Variants in KHDRBS2 observed in about 807,000 individuals in gnomAD.
KHDRBS2 encodes KH RNA binding domain containing, signal transduction associated 2, also known as KH domain-containing, RNA-binding, signal transduction-associated protein 2.
A neutral mutation model predicts 44.3 loss-of-function variants in KHDRBS2; 26 were observed. The ratio of observed to expected loss-of-function variants is 0.59; its 90% CI spans 0.43 to 0.81. KHDRBS2 has a LOEUF of 0.81. Among genes scored for constraint, KHDRBS2 ranks in the 40% least tolerant of loss-of-function variants. The pLI is 0.00. For synonymous variants in KHDRBS2, 194 were observed against 151.1 expected, an observed-to-expected ratio of 1.28 and a Z score of -2.08; for missense variants, 476 against 433.1, an observed-to-expected ratio of 1.10 and a Z score of -0.88.
At chr6:62,190,053 A>G (rs889304573) in intron 1 of KHDRBS2, among the ~76,000 whole-genome samples, 6 of 152,118 alleles carry the variant, frequency 3.9e-5, no homozygotes, top group African/African-American at 1.4e-4. Flanking sequence ...GAGCCCAGTG[A>G]TACTCTAATA....
At chr6:62,001,167 A>G (rs1396330892) in intron 3 of KHDRBS2, among the ~76,000 whole-genome samples, 1 of 152,206 alleles carries the variant, frequency 6.6e-6, no homozygotes. Context: ...CAGATAAGCA[A>G]TTTAAGAGCA....
chr6:61,712,891 AG>A (rs1360839227), intron 7 of KHDRBS2, among the ~76,000 whole-genome samples: 3 of 151,740 alleles, frequency 2.0e-5, no homozygotes, highest in African/African-American at 7.3e-5. Flanking sequence ...ATGTAACTCA[AG>A]TCCACAATTA....
chr6:61,547,619 C>T, the KHDRBS2 span, among the ~76,000 whole-genome samples: 2 of 152,008 alleles, frequency 1.3e-5, no homozygotes, highest in South Asian at 2.1e-4. Flanking sequence ...ACTCTTAATC[C>T]CTGGTTTGCA....
At chr6:61,761,428 T>C (rs903930904) in intron 6 of KHDRBS2, among the ~76,000 whole-genome samples, 2 of 152,216 alleles carry the variant, frequency 1.3e-5, no homozygotes, top group African/African-American at 4.8e-5. Context: ...ATGCTGGTGA[T>C]ATCAGCTTAT....
intron 2 of KHDRBS2, among the ~76,000 whole-genome samples, chr6:62,094,708 C>A (rs1268688900): frequency 2.0e-5 from 3 of 151,840 alleles, no homozygotes; most frequent in Non-Finnish European, 2.9e-5. Context: ...ATATTTAAGT[C>A]TTTAATCCAT....
intron 6 of KHDRBS2, among the ~76,000 whole-genome samples, chr6:61,816,049 C>T (rs1186099739): frequency 2.6e-5 from 4 of 152,034 alleles, no homozygotes; most frequent in Non-Finnish European, 5.9e-5. Flanking sequence ...TCTAAAAGCA[C>T]ACTGTTTTGA....
chr6:62,209,607 A>T (rs1459672844), intron 1 of KHDRBS2, among the ~76,000 whole-genome samples: 1 of 152,198 alleles, frequency 6.6e-6, no homozygotes, highest in Non-Finnish European at 1.5e-5. Context: ...GCTGCAAAGT[A>T]TCGTTCCTGG....
chr6:61,873,389 T>C (rs1798942144), intron 6 of KHDRBS2, among the ~76,000 whole-genome samples: 2 of 151,980 alleles, frequency 1.3e-5, no homozygotes, highest in Non-Finnish European at 2.9e-5. Flanking sequence ...AATAAATTTA[T>C]GAAAATATAA....
chr6:61,902,982 A>G (rs1249790156), intron 4 of KHDRBS2, among the ~76,000 whole-genome samples: 1 of 152,168 alleles, frequency 6.6e-6, no homozygotes, highest in Non-Finnish European at 1.5e-5. Context: ...TTTCATGTTT[A>G]TATTCTTCAG....
chr6:61,775,479 G>A (rs958499407), intron 6 of KHDRBS2, among the ~76,000 whole-genome samples: 7 of 152,242 alleles, frequency 4.6e-5, no homozygotes, highest in African/African-American at 9.6e-5. Context: ...AAAATCACAA[G>A]CATTCTTATA....
chr6:61,773,350 G>A (rs1411297735), intron 6 of KHDRBS2, among the ~76,000 whole-genome samples: 1 of 151,820 alleles, frequency 6.6e-6, no homozygotes, highest in Non-Finnish European at 1.5e-5. Context: ...GTGTGAGATG[G>A]TATCTCATTG....
intron 2 of KHDRBS2, among the ~76,000 whole-genome samples, chr6:62,107,136 A>C (rs550493239): frequency 1.3e-5 from 2 of 152,026 alleles, no homozygotes; most frequent in African/African-American, 2.4e-5. Flanking sequence ...TCAATTAGGA[A>C]AAGAGGAAGT....
intron 4 of KHDRBS2, among the ~76,000 whole-genome samples, chr6:61,959,516 C>T (rs1465895614): frequency 2.0e-5 from 3 of 152,054 alleles, no homozygotes; most frequent in East Asian, 1.9e-4. Flanking sequence ...ATTAAAATAT[C>T]GATAGAAACA....
chr6:62,088,343 C>T (rs1437316909), intron 2 of KHDRBS2, among the ~76,000 whole-genome samples: 1 of 152,160 alleles, frequency 6.6e-6, no homozygotes, highest in African/African-American at 2.4e-5. Flanking sequence ...GGTTTATCCA[C>T]CTTTTGTCTT....
chr6:61,708,964 T>C (rs141106431), intron 7 of KHDRBS2, among the ~76,000 whole-genome samples: 1 of 151,814 alleles, frequency 6.6e-6, no homozygotes, highest in African/African-American at 2.4e-5. Flanking sequence ...TGAGAATTGC[T>C]GTGTGTCATT....
chr6:61,909,182 C>A (rs1562420706), intron 4 of KHDRBS2, among the ~76,000 whole-genome samples: 1 of 151,742 alleles, frequency 6.6e-6, no homozygotes, highest in Non-Finnish European at 1.5e-5. Context: ...TTCTCCCACC[C>A]TGGTCTCCTG....
intron 8 of KHDRBS2, among the ~76,000 whole-genome samples, chr6:61,682,429 ACAAATGTTCCCATTGCT>A (rs1561964764): frequency 6.6e-6 from 1 of 151,886 alleles, no homozygotes; most frequent in Admixed American, 6.6e-5. Context: ...AATAAATATA[ACAAATGTTCCCATTGCT>A]CAAAATACAG....
chr6:61,686,052 T>C (rs1019070072), intron 8 of KHDRBS2, among the ~76,000 whole-genome samples: 2 of 151,656 alleles, frequency 1.3e-5, no homozygotes, highest in African/African-American at 4.8e-5. Context: ...TAGAGATCAG[T>C]TCAGAAAGGA....
intron 2 of KHDRBS2, among the ~76,000 whole-genome samples, chr6:62,120,196 C>G (rs1021398345): frequency 6.6e-6 from 1 of 152,002 alleles, no homozygotes; most frequent in Non-Finnish European, 1.5e-5. Context: ...AAAAGGTGGC[C>G]CACTGTGAAT....
Sources: allele counts gnomAD v4.1 joint callset (sites outside exome capture counted in the v4.1 genomes callset), GRCh38; gene constraint gnomAD v4.1.1; transcripts MANE v1.5; gene names NCBI Gene and HGNC (gene_info 2026-07-23, HGNC 2026-07-21).